Variants in RBM23 observed in about 807,000 individuals in gnomAD.
The protein encoded by RBM23 is RNA binding motif protein 23, also known as probable RNA-binding protein 23.
In RBM23, 53 loss-of-function variants were observed where a neutral mutation model predicts 56.2. The observed-to-expected ratio is 0.94, with a 90% CI of 0.76 to 1.19. The LOEUF is 1.19. Among genes scored for constraint, RBM23 ranks in the 50% most tolerant of loss-of-function variants. RBM23 has a pLI of 0.00. For missense variants in RBM23, 642 were observed against 590.3 expected (o/e 1.09, Z -0.91); for synonymous variants, 197 against 198.5 (o/e 0.99, Z 0.06).
chr14:22,913,743 G>A (rs931625393), intron 1 of RBM23: 1 of 152,004 alleles, frequency 6.6e-6, no homozygotes, highest in Non-Finnish European at 1.5e-5. Context: ...CAGCTGCTTG[G>A]AAGGCTGTGG....
intron 1 of RBM23, among the ~76,000 whole-genome samples, chr14:22,912,778 A>G (rs373753824): frequency 8.4e-4 from 127 of 151,458 alleles, no homozygotes; most frequent in African/African-American, 2.9e-3. Context: ...TCACGAGGTC[A>G]ACGACGAGGT....
intron 4 of RBM23, 117 bp from the exon 5 acceptor site, chr14:22,906,485 T>C: frequency 8.4e-7 from 1 of 1,193,048 alleles, no homozygotes; most frequent in South Asian, 1.4e-5. Context: ...TATAACCTAG[T>C]GATGTTACAG....
Position 22,906,235 on chromosome 14 carries a change from C to T in RBM23, c.361G>A (p.Glu121Lys). 6.2e-7 allele frequency: 1 copy of T among 1,614,226 alleles called. No homozygotes were observed. The highest frequency in any genetic ancestry group is 8.5e-7 in the Non-Finnish European group (1 of 1,180,024). Residue 121 changes from glutamate to lysine, a missense_variant, in exon 5 of 14, where the codon GAG (glutamate) becomes AAG (lysine). Coordinates refer to ENST00000359890, the MANE Select transcript of RBM23 (RefSeq NM_001077351.2). ...GGACTCCTGTAATGCACACGATCCT[C>T]ACGACGATGGTCCCGACTTCGCGAC... ...SESRSRDHRR[E>K]DRVHYRSPPL...
chr14:22,896,175 T>A lies in RBM23; in HGVS notation c.*5555A>T, dbSNP rs1288481416. The stretch of plus-strand genomic sequence containing the variant: ...GGAGTGAAAATACTGAGGACAGTAA[T>A]GAGCCAAGTTCCAAACCTTTCTCAA... On this transcript the variant is annotated 3_prime_UTR_variant, in exon 14 of 14. Coordinates refer to ENST00000359890, the MANE Select transcript of RBM23 (RefSeq NM_001077351.2). 1 of 152,192 alleles carries A rather than the reference T, an allele frequency of 6.6e-6. No individual in the cohort carries two copies. The highest frequency in any genetic ancestry group is 1.5e-5 in the Non-Finnish European group (1 of 68,032). 9.4% of individuals were successfully genotyped at this position (152,192 alleles called of 1,614,324 possible). A position where few individuals can be genotyped will look rare whatever the true frequency, so the allele number is the denominator to read the frequency against.
intron 3 of RBM23, 78 bp from the exon 4 acceptor site, chr14:22,908,458 T>A (rs1340838385): frequency 2.6e-5 from 38 of 1,488,204 alleles, no homozygotes; most frequent in Non-Finnish European, 3.4e-5. Flanking sequence ...AGTGGTGCAA[T>A]CTTGGCTCAC....
chr14:22,904,754 T>C (rs2041236932), intron 9 of RBM23, 121 bp downstream of exon 9: 6 of 1,416,012 alleles, frequency 4.2e-6, no homozygotes, highest in Non-Finnish European at 5.8e-6. Flanking sequence ...TAGACTCATA[T>C]GCCCACTATG....
intron 10 of RBM23, chr14:22,903,371 A>G: frequency 2.0e-6 from 2 of 985,474 alleles, no homozygotes; most frequent in Non-Finnish European, 2.4e-6. Context: ...AAGCCTTTCC[A>G]TATCTCAGTC....
chr14:22,901,850 C>A lies in RBM23; in HGVS notation c.1280G>T (p.Cys427Phe). The A allele has an allele frequency of 6.2e-7, 1 of 1,614,222 alleles. No homozygotes were observed. Among genetic ancestry groups the A allele is most frequent in the Non-Finnish European group, 8.5e-7 (1 of 1,180,036 alleles). ...GGTAAAGAGGCTGGAGAGCTGGAAACACTGGGAGGCAAGGTTCAGGGCTGG... is the reference window on the plus strand; with the variant it reads ...GGTAAAGAGGCTGGAGAGCTGGAAAAACTGGGAGGCAAGGTTCAGGGCTGG... ...LSPALNLASQ[C>F]FQLSSLFTPQ... Residue 427 changes from cysteine (C) to phenylalanine (F), a missense_variant, in exon 13 of 14, where the codon TGT becomes TTT. By Grantham distance (205) the Cys-to-Phe change is radical (BLOSUM62 -2). Coordinates refer to ENST00000359890, the MANE Select transcript of RBM23 (RefSeq NM_001077351.2).
At chr14:22,905,947 G>A (rs529334359) in intron 5 of RBM23, 52 of 595,472 alleles carry the variant, frequency 8.7e-5, no homozygotes, top group South Asian at 7.4e-4. Context: ...CCAGGGTTTC[G>A]CCATGTTGTC....
rs1431897159 is a variant in RBM23 at position 22,903,321 on chromosome 14, A to G, written c.931-939T>C. 3.0e-6 allele frequency: 3 copies of G among 985,304 alleles called. No homozygotes were observed. In the African/African-American group the frequency reaches 5.2e-5, roughly 17 times the overall value. The allele number at this position is 985,304 out of a possible 1,614,324, so 61.0% of individuals were successfully genotyped here. A position where few individuals can be genotyped will look rare whatever the true frequency, so the allele number is the denominator to read the frequency against. Reference sequence around the variant, plus strand: ...GTTTGTTTAAGTGTCAAGGTTGTTGACCCAAAAGGCAACAATGCAAGGGCA... The same window carrying G: ...GTTTGTTTAAGTGTCAAGGTTGTTGGCCCAAAAGGCAACAATGCAAGGGCA... On this transcript the variant is annotated intron_variant, in intron 10 of 13. Transcript: ENST00000359890.
chr14:22,903,794 T>C lies in RBM23; in HGVS notation c.930+467A>G, dbSNP rs1167223165. 4 of 1,012,072 alleles carry C rather than the reference T, an allele frequency of 4.0e-6. No homozygotes were observed. The South Asian group carries it at 1.2e-4, about 29-fold the overall frequency. 62.7% of individuals were successfully genotyped at this position (1,012,072 alleles called of 1,614,324 possible). A position where few individuals can be genotyped will look rare whatever the true frequency, so the allele number is the denominator to read the frequency against. On this transcript the variant is annotated intron_variant, in intron 10 of 13. Coordinates refer to ENST00000359890, the MANE Select transcript of RBM23 (RefSeq NM_001077351.2). ...TGCCCATAATTAGGTGGCCTCACTA[T>C]TCTCCCCATAGTGCTACGTTAATAA...
At position 22,894,292 on chromosome 14, in the gene RBM23, T is replaced by C. The variant is rs1413103222; in HGVS notation, c.*7438A>G. On this transcript the variant is annotated 3_prime_UTR_variant, in exon 14 of 14. Coordinates refer to ENST00000359890, the MANE Select transcript of RBM23 (RefSeq NM_001077351.2). ...GACTCACGGGTAACACTTTTTTGGG[T>C]TTTGTCATCTGATGGAAGGTTGGGG... 3.3e-5 allele frequency: 5 copies of C among 152,186 alleles called. No homozygotes were observed. The highest frequency in any genetic ancestry group is 3.3e-4 in the Admixed American group (5 of 15,284). The allele number at this position is 152,186 out of a possible 1,614,324, so 9.4% of individuals were successfully genotyped here.
rs1461648483 is a variant in RBM23 at position 22,896,453 on chromosome 14, C to T, written c.*5277G>A. The T allele has an allele frequency of 6.6e-6, 1 of 152,188 alleles. No homozygotes were observed. The highest frequency in any genetic ancestry group is 1.5e-5 in the Non-Finnish European group (1 of 68,026). 9.4% of individuals were successfully genotyped at this position (152,188 alleles called of 1,614,324 possible). A position where few individuals can be genotyped will look rare whatever the true frequency, so the allele number is the denominator to read the frequency against. On this transcript the variant is annotated 3_prime_UTR_variant, in exon 14 of 14. Coordinates refer to ENST00000359890, the MANE Select transcript of RBM23 (RefSeq NM_001077351.2). ...TCTAAGCAAGTAGGCTTCCTGATGC[C>T]TGAAAGCTGACTGAAACTCCCATCC...
intron 1 of RBM23, chr14:22,917,838 G>A (rs982801360): frequency 1.3e-5 from 2 of 152,186 alleles, no homozygotes; most frequent in East Asian, 1.9e-4. Context: ...CCACAATCAC[G>A]TCAGTTCCTA....
intron 10 of RBM23, chr14:22,903,875 T>C: frequency 8.6e-7 from 1 of 1,160,118 alleles, no homozygotes; most frequent in Non-Finnish European, 1.1e-6. Context: ...GAGGGAAGTA[T>C]AATTTCCTAT....
intron 1 of RBM23, among the ~76,000 whole-genome samples, chr14:22,913,495 C>G (rs927824794): frequency 2.0e-5 from 3 of 151,936 alleles, no homozygotes; most frequent in Non-Finnish European, 4.4e-5. Context: ...GGAGTTGTGG[C>G]TCACACCTGT....
chr14:22,910,218 T>C (rs1435743757), intron 2 of RBM23, among the ~76,000 whole-genome samples: 1 of 139,032 alleles, frequency 7.2e-6, no homozygotes, highest in African/African-American at 2.7e-5. Context: ...TCCCAGCACT[T>C]TGGGAGGCCA....
chr14:22,906,244 G>C lies in RBM23; in HGVS notation c.352C>G (p.His118Asp). The change falls in exon 5 of 14, where the codon CAT (histidine) becomes GAT (aspartate). Residue 118 changes from histidine (H) to aspartate (D), a missense_variant. His to Asp is a moderately conservative substitution (Grantham distance 81). Coordinates refer to ENST00000359890, the MANE Select transcript of RBM23 (RefSeq NM_001077351.2). ...TAATGCACACGATCCTCACGACGAT[G>C]GTCCCGACTTCGCGACTCACTACCA... is the stretch of plus-strand genomic sequence containing the variant. ...RHGSESRSRD[H>D]RREDRVHYRS... 1 of 1,614,236 alleles carries C rather than the reference G, an allele frequency of 6.2e-7. No individual in the cohort carries two copies. Among genetic ancestry groups the C allele is most frequent in the Non-Finnish European group, 8.5e-7 (1 of 1,180,048 alleles).
rs748347377 is a variant in RBM23 at position 22,906,218 on chromosome 14, G to A, written c.378C>T (p.Tyr126=). 1.2e-6 allele frequency: 2 copies of A among 1,614,240 alleles called. No homozygotes were observed. The highest frequency in any genetic ancestry group is 1.1e-5 in the South Asian group (1 of 91,084). The change falls in exon 5 of 14, where the codon TAC becomes TAT. Residue 126 remains tyrosine (Y), a synonymous_variant. Coordinates refer to ENST00000359890, the MANE Select transcript of RBM23 (RefSeq NM_001077351.2). ...ACCCAGTGGCAAGTGGAGGACTCCT[G>A]TAATGCACACGATCCTCACGACGAT... ...RDHRREDRVH[Y]RSPPLATGYR...
Sources: gnomAD v4.1 joint callset for allele counts (sites outside exome capture counted in the v4.1 genomes callset) on GRCh38, gnomAD v4.1.1 for gene constraint, MANE v1.5 for transcripts, NCBI Gene and HGNC (gene_info 2026-07-23, HGNC 2026-07-21) for gene names.